Variants in C18orf63 observed in about 807,000 individuals in gnomAD.
C18orf63 encodes uncharacterized protein C18orf63.
A neutral mutation model predicts 75.3 loss-of-function variants in C18orf63; 50 were observed. The ratio of observed to expected loss-of-function variants is 0.66; its 90% CI spans 0.53 to 0.84. The LOEUF is 0.84. C18orf63 is among the 40% of genes least tolerant of loss of function. The pLI, the probability that C18orf63 is intolerant of heterozygous loss-of-function variation, is 0.00. For missense variants in C18orf63, 732 were observed against 800.2 expected, an observed-to-expected ratio of 0.91 and a Z score of 1.03; for synonymous variants, 232 against 267.6, an observed-to-expected ratio of 0.87 and a Z score of 1.30.
At chr18:74,342,818 T>C (rs1274932098) in intron 10 of C18orf63, among the ~76,000 whole-genome samples, 3 of 152,164 alleles carry the variant, frequency 2.0e-5, no homozygotes, top group Non-Finnish European at 4.4e-5. Context: ...TTTTTTAAAA[T>C]CGAAATATAC....
At chr18:74,325,929 C>T (rs1334882262) in intron 4 of C18orf63, among the ~76,000 whole-genome samples, 1 of 152,214 alleles carries the variant, frequency 6.6e-6, no homozygotes, top group Non-Finnish European at 1.5e-5. Context: ...GACAGAATTG[C>T]CCCATACTTC....
At chr18:74,316,807 A>T (rs1395183929) in intron 1 of C18orf63, among the ~76,000 whole-genome samples, 1 of 152,240 alleles carries the variant, frequency 6.6e-6, no homozygotes, top group Admixed American at 6.5e-5. Context: ...TGAATCTGCA[A>T]GTTTTGCCAA....
intron 7 of C18orf63, among the ~76,000 whole-genome samples, chr18:74,338,423 A>G (rs1396179092): frequency 6.6e-6 from 1 of 152,022 alleles, no homozygotes; most frequent in Non-Finnish European, 1.5e-5. Flanking sequence ...CTGCAAATTA[A>G]CATAATTAAA....
chr18:74,334,349 G>T (rs1477703592), intron 7 of C18orf63, among the ~76,000 whole-genome samples: 3 of 151,880 alleles, frequency 2.0e-5, no homozygotes, highest in African/African-American at 7.3e-5. Flanking sequence ...GAGGAGGGTA[G>T]GCAATGAGGC....
intron 8 of C18orf63, among the ~76,000 whole-genome samples, chr18:74,341,763 G>A (rs2145126463): frequency 6.6e-6 from 1 of 152,156 alleles, no homozygotes; most frequent in East Asian, 1.9e-4. Flanking sequence ...GTAAATGCAT[G>A]TTAATTAGCT....
chr18:74,319,111 C>CTTTAAGGA (rs1984076410), intron 2 of C18orf63, among the ~76,000 whole-genome samples: 1 of 152,090 alleles, frequency 6.6e-6, no homozygotes, highest in Non-Finnish European at 1.5e-5. Flanking sequence ...TAATATGATA[C>CTTTAAGGA]CTGTTAAGGA....
chr18:74,353,218 A>ATTTTTTT, intron 11 of C18orf63, 28 bp from the exon 12 acceptor site: 1 of 1,389,808 alleles, frequency 7.2e-7, no homozygotes, highest in Non-Finnish European at 9.6e-7. Context: ...AACATTTTAA[A>ATTTTTTT]TTTTTTTTTA....
chr18:74,316,959 A>G (rs560845544), intron 1 of C18orf63, among the ~76,000 whole-genome samples: 1 of 152,320 alleles, frequency 6.6e-6, no homozygotes, highest in Admixed American at 6.5e-5. Flanking sequence ...GCACCCAGGA[A>G]TTTTTTGGTG....
In C18orf63 at chr18:74,354,139, C is replaced by T. The variant is rs1568241329; in HGVS notation, c.1872C>T (p.Asp624=). The T allele has an allele frequency of 6.5e-7, 1 of 1,536,244 alleles. No individual in the cohort carries two copies. The highest frequency in any genetic ancestry group is 8.7e-7 in the Non-Finnish European group (1 of 1,146,950). ...ENQAKEVGTS[D]HRLIVSKIAH... ...AAGCTAAAGAAGTTGGTACAAGTGA[C>T]CACAGGTTGATAGTAAGCAAAATAG... The change falls in exon 12 of 14, where the codon GAC becomes GAT. Residue 624 remains aspartate, a synonymous_variant. Transcript: ENST00000579455.
chr18:74,332,946 A>G, intron 7 of C18orf63, among the ~76,000 whole-genome samples: 1 of 152,160 alleles, frequency 6.6e-6, no homozygotes, highest in East Asian at 1.9e-4. Flanking sequence ...CCTCAGTTTG[A>G]ACCAATTTAG....
intron 4 of C18orf63, among the ~76,000 whole-genome samples, chr18:74,327,139 C>T (rs755417351): frequency 5.9e-5 from 9 of 152,034 alleles, no homozygotes; most frequent in Non-Finnish European, 1.2e-4. Flanking sequence ...TAGGATTAAA[C>T]AAGTTTTATT....
intron 7 of C18orf63, among the ~76,000 whole-genome samples, chr18:74,334,207 A>G (rs1239246399): frequency 1.3e-5 from 2 of 152,054 alleles, no homozygotes; most frequent in Non-Finnish European, 2.9e-5. Context: ...GGTTGATGAC[A>G]TGCCCAGGGA....
intron 1 of C18orf63, among the ~76,000 whole-genome samples, chr18:74,316,764 C>A (rs1984033633): frequency 6.6e-6 from 1 of 152,180 alleles, no homozygotes; most frequent in South Asian, 2.1e-4. Flanking sequence ...CAATATAGTT[C>A]TACAGCCTAG....
intron 3 of C18orf63, among the ~76,000 whole-genome samples, chr18:74,321,274 G>A (rs557821578): frequency 5.3e-5 from 8 of 151,736 alleles, no homozygotes; most frequent in African/African-American, 1.4e-4. Flanking sequence ...TGTCCACCTC[G>A]TATTTTCCCT....
intron 4 of C18orf63, among the ~76,000 whole-genome samples, chr18:74,323,517 A>C (rs979406235): frequency 3.3e-5 from 5 of 152,224 alleles, no homozygotes; most frequent in African/African-American, 1.2e-4. Context: ...ATATGTTTAC[A>C]TCTTTTTGCT....
chr18:74,338,373 T>C (rs1216191931), intron 7 of C18orf63, among the ~76,000 whole-genome samples: 1 of 152,074 alleles, frequency 6.6e-6, no homozygotes. Flanking sequence ...AGCTATTATT[T>C]TAAAATATGA....
intron 11 of C18orf63, among the ~76,000 whole-genome samples, chr18:74,352,093 G>T (rs1346523328): frequency 6.6e-6 from 1 of 152,044 alleles, no homozygotes; most frequent in South Asian, 2.1e-4. Context: ...GACTCATGTT[G>T]CAATATAAAT....
chr18:74,317,422 CCTTGAAGTG>C (rs1984044552), intron 1 of C18orf63, among the ~76,000 whole-genome samples: 1 of 152,116 alleles, frequency 6.6e-6, no homozygotes, highest in African/African-American at 2.4e-5. Flanking sequence ...TATTCCTCAA[CCTTGAAGTG>C]CTTTACAGAA....
intron 11 of C18orf63, among the ~76,000 whole-genome samples, chr18:74,349,364 G>A (rs917008942): frequency 1.3e-5 from 2 of 152,148 alleles, no homozygotes; most frequent in African/African-American, 2.4e-5. Flanking sequence ...AGTGGTATGT[G>A]GTGAAGTGCA....
Sources: allele counts gnomAD v4.1 joint callset (sites outside exome capture counted in the v4.1 genomes callset), GRCh38; gene constraint gnomAD v4.1.1; transcripts MANE v1.5; gene names NCBI Gene and HGNC (gene_info 2026-07-23, HGNC 2026-07-21).